BMPER: variants seen among roughly 807,000 people sequenced by gnomAD.
The protein encoded by BMPER is BMP-binding endothelial regulator protein.
In BMPER, 45 loss-of-function variants were observed where a neutral mutation model predicts 87.3. That is an observed-to-expected ratio of 0.52 (90% CI 0.41 to 0.66). The LOEUF is 0.66. BMPER is among the 30% of genes least tolerant of loss of function. BMPER has a pLI of 0.00. For synonymous variants in BMPER, 326 were observed against 316.2 expected, an observed-to-expected ratio of 1.03 and a Z score of -0.33; for missense variants, 784 against 867.5, an observed-to-expected ratio of 0.90 and a Z score of 1.21.
intron 14 of BMPER, among the ~76,000 whole-genome samples, chr7:34,149,285 C>G (rs914572772): frequency 1.4e-4 from 22 of 152,260 alleles, no homozygotes; most frequent in African/African-American, 4.8e-4. Context: ...TCAAGAGACT[C>G]TTATGAATAT....
chr7:34,143,127 GGCCAATCA>G, intron 13 of BMPER, 95 bp from the exon 14 acceptor site: 1 of 1,546,456 alleles, frequency 6.5e-7, no homozygotes, highest in East Asian at 2.3e-5. Context: ...AATTTTAATG[GGCCAATCA>G]GGTTTTCCCA....
chr7:34,051,751 C>A, intron 7 of BMPER, 110 bp from the exon 8 acceptor site: 1 of 942,104 alleles, frequency 1.1e-6, no homozygotes, highest in Non-Finnish European at 1.7e-6. Flanking sequence ...GTGCTCCAGA[C>A]TTACGTGGTC....
intron 11 of BMPER, among the ~76,000 whole-genome samples, chr7:34,076,162 C>T (rs867093975): frequency 5.3e-5 from 8 of 152,156 alleles, no homozygotes; most frequent in African/African-American, 1.9e-4. Flanking sequence ...TGGACATTCT[C>T]CATTGCTTCC....
chr7:33,959,008 C>T (rs969259935), intron 3 of BMPER, among the ~76,000 whole-genome samples: 4 of 152,268 alleles, frequency 2.6e-5, no homozygotes, highest in Admixed American at 2.0e-4. Flanking sequence ...CCCCTGGACA[C>T]GCTCTCTCTC....
intron 2 of BMPER, among the ~76,000 whole-genome samples, chr7:33,926,213 A>T (rs561964086): frequency 6.6e-6 from 1 of 152,302 alleles, no homozygotes; most frequent in Admixed American, 6.5e-5. Context: ...AGATTCGTGT[A>T]TTTTTGGTCA....
At chr7:34,045,115 C>T (rs550638785) in intron 6 of BMPER, among the ~76,000 whole-genome samples, 3 of 152,238 alleles carry the variant, frequency 2.0e-5, no homozygotes, top group African/African-American at 7.2e-5. Context: ...CCTGCGGGTA[C>T]TAGTTTGGTT....
chr7:34,006,864 CTG>C (rs1490288269), intron 6 of BMPER, among the ~76,000 whole-genome samples: 2 of 152,076 alleles, frequency 1.3e-5, no homozygotes, highest in Admixed American at 6.6e-5. Flanking sequence ...TTTGATGTGA[CTG>C]TTTTTCTCTA....
intron 13 of BMPER, among the ~76,000 whole-genome samples, chr7:34,131,272 G>A (rs1163445672): frequency 6.6e-6 from 1 of 152,144 alleles, no homozygotes; most frequent in African/African-American, 2.4e-5. Flanking sequence ...AGGTCCAGTG[G>A]ACTGAGCTAT....
chr7:33,966,577 TTCTC>T lies in BMPER; in HGVS notation c.402+21_402+24del. 2 of 1,610,726 alleles carry T rather than the reference TTCTC, an allele frequency of 1.2e-6. No individual in the cohort carries two copies. The highest frequency in any genetic ancestry group is 1.7e-6 in the Non-Finnish European group (2 of 1,177,072). ...CCAGTGCCAGGTAAAGTTCAATTATTTCTCTCTCCAGTAAAAAGGAATCCATAGA... is the reference window on the plus strand; with the variant it reads ...CCAGTGCCAGGTAAAGTTCAATTATTTCTCCAGTAAAAAGGAATCCATAGA... On this transcript the variant is annotated intron_variant, in intron 4 of 14. Transcript: ENST00000649409.
intron 6 of BMPER, among the ~76,000 whole-genome samples, chr7:33,976,296 G>A (rs1021925423): frequency 5.3e-5 from 8 of 152,046 alleles, no homozygotes; most frequent in African/African-American, 1.9e-4. Flanking sequence ...GGGATTACAG[G>A]TGTGCGCCAC....
rs556133468 is a variant in BMPER at position 34,062,608 on chromosome 7, AG to A, written c.1078+562del. Among the ~76,000 whole-genome samples the A allele has an allele frequency of 1.6e-4, 24 of 152,262 alleles. No homozygotes were observed. The South Asian group carries it at 4.6e-3, about 29-fold the overall frequency. ...TTAACAGGATGTGAAATGCCTTCTG[AG>A]AAATGCATCCTTAGGTGATTTTGTT... On this transcript the variant is annotated intron_variant, in intron 11 of 14. Transcript: ENST00000649409.
At chr7:33,980,175 C>G (rs1785812609) in intron 6 of BMPER, among the ~76,000 whole-genome samples, 1 of 152,204 alleles carries the variant, frequency 6.6e-6, no homozygotes, top group Non-Finnish European at 1.5e-5. Context: ...TGCATCATCC[C>G]TGTTTACCCA....
chr7:34,021,177 G>C (rs1221307472), intron 6 of BMPER, among the ~76,000 whole-genome samples: 1 of 151,998 alleles, frequency 6.6e-6, no homozygotes, highest in South Asian at 2.1e-4. Context: ...AGGATGGCTA[G>C]TTCTTTAACT....
chr7:33,982,777 A>G (rs1785899084), intron 6 of BMPER, among the ~76,000 whole-genome samples: 1 of 152,224 alleles, frequency 6.6e-6, no homozygotes, highest in Non-Finnish European at 1.5e-5. Flanking sequence ...GGTTTCTTGA[A>G]AATACCACCA....
intron 13 of BMPER, among the ~76,000 whole-genome samples, chr7:34,131,468 C>G (rs549447723): frequency 2.0e-5 from 3 of 152,164 alleles, no homozygotes; most frequent in African/African-American, 7.2e-5. Context: ...CTCTGCCGCC[C>G]TTTGATTAAT....
At chr7:34,120,028 A>G (rs994292586) in intron 13 of BMPER, among the ~76,000 whole-genome samples, 1 of 152,200 alleles carries the variant, frequency 6.6e-6, no homozygotes, top group Non-Finnish European at 1.5e-5. Flanking sequence ...CCCATTCCCA[A>G]TAACATTGAC....
intron 12 of BMPER, among the ~76,000 whole-genome samples, chr7:34,085,208 G>A (rs1789167236): frequency 6.6e-6 from 1 of 152,148 alleles, no homozygotes; most frequent in African/African-American, 2.4e-5. Flanking sequence ...TTATATCAGT[G>A]TTGCCTTTGA....
intron 1 of BMPER, 42 bp from the exon 2 acceptor site, chr7:33,906,776 A>G (rs1380598654): frequency 6.5e-7 from 1 of 1,545,984 alleles, no homozygotes; most frequent in East Asian, 2.2e-5. Context: ...TCATGCTGCT[A>G]AGCTAACTTT....
chr7:34,024,530 A>C (rs1360216275), intron 6 of BMPER, among the ~76,000 whole-genome samples: 2 of 147,852 alleles, frequency 1.4e-5, no homozygotes, highest in African/African-American at 2.5e-5. Flanking sequence ...TGTTTCTCAT[A>C]GGTATCCTGT....
Sources: allele counts gnomAD v4.1 joint callset (sites outside exome capture counted in the v4.1 genomes callset), GRCh38; gene constraint gnomAD v4.1.1; transcripts MANE v1.5; gene names NCBI Gene and HGNC (gene_info 2026-07-23, HGNC 2026-07-21).